The following UGT1A8 variants were observed in gnomAD, a reference collection of about 807,000 sequenced individuals.
The protein encoded by UGT1A8 is UDP glucuronosyltransferase family 1 member A8.
Under a neutral mutation model 45.3 loss-of-function variants are expected in UGT1A8, and 39 were observed. The observed-to-expected ratio is 0.86, with a 90% CI of 0.67 to 1.12. UGT1A8 has a LOEUF of 1.12. Among genes scored for constraint, UGT1A8 ranks in the 50% most tolerant of loss-of-function variants. The probability of loss-of-function intolerance (pLI) is 0.00; values close to 1 mark genes in which losing one functional copy is unlikely to be tolerated. For missense variants in UGT1A8, 719 were observed against 664.9 expected (o/e 1.08, Z -0.90); for synonymous variants, 275 against 249.2 (o/e 1.10, Z -0.97).
intron 1 of UGT1A8, among the ~76,000 whole-genome samples, chr2:233,656,265 C>T (rs751110291): frequency 1.5e-4 from 23 of 152,204 alleles, no homozygotes; most frequent in Non-Finnish European, 2.8e-4. Context: ...CAAAAGGTCT[C>T]TTCAGGGCAC....
chr2:233,694,315 TC>T (rs1553606365), intron 1 of UGT1A8, among the ~76,000 whole-genome samples: 16 of 152,054 alleles, frequency 1.1e-4, no homozygotes, highest in African/African-American at 3.9e-4. Flanking sequence ...TTTTTTTTTT[TC>T]CTTTTATGTT....
Position 233,767,853 on chromosome 2 carries a change from TG to T in UGT1A8, c.993del (p.Trp332GlyfsTer31), listed in dbSNP as rs1559414567. 7 of 1,614,210 alleles carry T rather than the reference TG, an allele frequency of 4.3e-6. No homozygotes were observed. Among genetic ancestry groups the T allele is most frequent in the Non-Finnish European group, 5.9e-6 (7 of 1,180,034 alleles). ...TGCTCTTTTTGCCCCTCCCAGGTCCTGTGGCGGTACACTGGAACCCGACCAT... is the reference window on the plus strand; with the variant it reads ...TGCTCTTTTTGCCCCTCCCAGGTCCTTGGCGGTACACTGGAACCCGACCAT... Reference protein sequence around the residue: ...DALGKIPQTVLWRYTGTRPSN... With the variant: ...DALGKIPQTVXWRYTGTRPSN... On this transcript the variant is annotated frameshift_variant, in exon 3 of 5. Coordinates refer to ENST00000373450, the MANE Select transcript of UGT1A8 (RefSeq NM_019076.5). LOFTEE classifies it high-confidence loss of function.
At chr2:233,729,952 A>G (rs1448205377) in intron 1 of UGT1A8, 1 of 1,614,072 alleles carries the variant, frequency 6.2e-7, no homozygotes, top group African/African-American at 1.3e-5. Flanking sequence ...CATGGTCTTC[A>G]TTGGGGGCAT....
At chr2:233,643,112 G>T (rs917613731) in intron 1 of UGT1A8, among the ~76,000 whole-genome samples, 1 of 152,222 alleles carries the variant, frequency 6.6e-6, no homozygotes, top group Non-Finnish European at 1.5e-5. Context: ...GATACAGCCA[G>T]CCAGACCTGC....
intron 1 of UGT1A8, among the ~76,000 whole-genome samples, chr2:233,668,397 A>G (rs1165325539): frequency 6.6e-6 from 1 of 152,090 alleles, no homozygotes; most frequent in Non-Finnish European, 1.5e-5. Flanking sequence ...ATCCTTTTTT[A>G]TGGCTGCATA....
At chr2:233,763,858 C>A (rs577598991) in intron 1 of UGT1A8, among the ~76,000 whole-genome samples, 1 of 152,130 alleles carries the variant, frequency 6.6e-6, no homozygotes, top group Admixed American at 6.5e-5. Flanking sequence ...GGTTCACAGA[C>A]AATCGCAATG....
At position 233,747,671 on chromosome 2, in the gene UGT1A8, A is replaced by C. The variant is rs1693745926; in HGVS notation, c.856-19363A>C. On this transcript the variant is annotated intron_variant, in intron 1 of 4. Coordinates refer to ENST00000373450, the MANE Select transcript of UGT1A8 (RefSeq NM_019076.5). ...CCTTCGATGTGGTTTTAATAGACCCAATTTACCTCTGTGGGGCAGTGCTGG... is the reference window on the plus strand; with the variant it reads ...CCTTCGATGTGGTTTTAATAGACCCCATTTACCTCTGTGGGGCAGTGCTGG... 13 of 1,604,740 alleles carry C rather than the reference A, an allele frequency of 8.1e-6. No homozygotes were observed. In the South Asian group the frequency reaches 1.4e-4, roughly 18 times the overall value.
At position 233,760,622 on chromosome 2, in the gene UGT1A8, C is replaced by G. The variant is rs766978023; in HGVS notation, c.856-6412C>G. The G allele has an allele frequency of 2.5e-6, 4 of 1,614,144 alleles. No individual in the cohort carries two copies. The East Asian group carries it at 8.9e-5, about 36-fold the overall frequency. ...TCTTTCCTGCAGCGTGTGATCAAAA[C>G]ATACAAGAAAATAAAAAAGGACTCT... On this transcript the variant is annotated intron_variant, in intron 1 of 4. Coordinates refer to ENST00000373450, the MANE Select transcript of UGT1A8 (RefSeq NM_019076.5).
At chr2:233,751,660 A>C (rs1210914952) in intron 1 of UGT1A8, among the ~76,000 whole-genome samples, 4 of 152,204 alleles carry the variant, frequency 2.6e-5, no homozygotes, top group Admixed American at 6.5e-5. Flanking sequence ...CATCCTACTG[A>C]GTGAGTTCTA....
intron 1 of UGT1A8, among the ~76,000 whole-genome samples, chr2:233,685,623 C>T (rs11902131): frequency 0.39 from 59,238 of 152,106 alleles, 11,737 homozygotes; most frequent in South Asian, 0.45. Flanking sequence ...AACTTTTTAT[C>T]ATCAAAGTTT....
chr2:233,743,994 TG>T, intron 1 of UGT1A8: 1 of 1,253,164 alleles, frequency 8.0e-7, no homozygotes, highest in Non-Finnish European at 1.0e-6. Flanking sequence ...CAGGCCCGAG[TG>T]CTCGGAGACC....
In UGT1A8 at chr2:233,746,430, T is replaced by C. The variant is rs141272199; in HGVS notation, c.856-20604T>C. On this transcript the variant is annotated intron_variant, in intron 1 of 4. Transcript: ENST00000373450. ...TCCAATGGTGACCTATTAACTTATG[T>C]CTTCAGCTTAAAAAGAAAGTACCTT... Among the ~76,000 whole-genome samples, 254 of 151,800 alleles carry C rather than the reference T, an allele frequency of 1.7e-3. 1 individual carries two copies. The highest frequency in any genetic ancestry group is 3.4e-3 in the Middle Eastern group (1 of 292).
At chr2:233,649,261 T>A (rs1417847477) in intron 1 of UGT1A8, among the ~76,000 whole-genome samples, 2 of 152,224 alleles carry the variant, frequency 1.3e-5, no homozygotes, top group East Asian at 1.9e-4. Flanking sequence ...ACTGCATTTT[T>A]AAAATTTTGA....
chr2:233,700,798 T>G (rs1387301814), intron 1 of UGT1A8, among the ~76,000 whole-genome samples: 1 of 152,156 alleles, frequency 6.6e-6, no homozygotes, highest in Admixed American at 6.5e-5. Flanking sequence ...TGTATACATG[T>G]GCCATGTTGG....
intron 1 of UGT1A8, among the ~76,000 whole-genome samples, chr2:233,647,229 T>A (rs1487158126): frequency 6.6e-6 from 1 of 152,190 alleles, no homozygotes; most frequent in African/African-American, 2.4e-5. Flanking sequence ...TTGTGGGAGT[T>A]CCAATTCAAG....
intron 1 of UGT1A8, chr2:233,755,317 G>T: frequency 3.8e-6 from 2 of 525,706 alleles, no homozygotes; most frequent in Non-Finnish European, 6.2e-6. Flanking sequence ...CGAGCGGCAA[G>T]GCTGCCAGCA....
chr2:233,746,870 G>C (rs544593514), intron 1 of UGT1A8, among the ~76,000 whole-genome samples: 1 of 151,786 alleles, frequency 6.6e-6, no homozygotes, highest in Admixed American at 6.5e-5. Context: ...CCTGATAAAC[G>C]TGGTTAACAG....
chr2:233,738,082 A>G (rs1218405907), intron 1 of UGT1A8, among the ~76,000 whole-genome samples: 11 of 152,110 alleles, frequency 7.2e-5, no homozygotes, highest in African/African-American at 2.4e-4. Flanking sequence ...TCCTAATCTC[A>G]TCATAGTGAG....
chr2:233,652,633 A>G (rs1394228323), intron 1 of UGT1A8, among the ~76,000 whole-genome samples: 2 of 152,238 alleles, frequency 1.3e-5, no homozygotes, highest in African/African-American at 4.8e-5. Context: ...CATGCAGATC[A>G]GTAGAACGGA....
Sources: allele counts gnomAD v4.1 joint callset (sites outside exome capture counted in the v4.1 genomes callset), GRCh38; gene constraint gnomAD v4.1.1; transcripts MANE v1.5; gene names NCBI Gene and HGNC (gene_info 2026-07-23, HGNC 2026-07-21).